SCRIB: variants seen among roughly 807,000 people sequenced by gnomAD.
The protein encoded by SCRIB is protein scribble homolog.
In SCRIB, 72 loss-of-function variants were observed where a neutral mutation model predicts 170.0. The observed-to-expected ratio is 0.42, with a 90% confidence interval of 0.35 to 0.52. The LOEUF (loss-of-function observed/expected upper bound fraction) is 0.52, where lower values mean the gene tolerates loss of function less well. SCRIB is among the 20% of genes least tolerant of loss of function. SCRIB has a pLI of 0.02. For synonymous variants in SCRIB, 1,298 were observed against 1,044.3 expected, an observed-to-expected ratio of 1.24 and a Z score of -4.68; for missense variants, 2,475 against 2,338.5, an observed-to-expected ratio of 1.06 and a Z score of -1.20.
chr8:143,792,642 G>A lies in SCRIB; in HGVS notation c.4178-7C>T, dbSNP rs372182643. On this transcript the variant is annotated splice_region_variant and splice_polypyrimidine_tract_variant and intron_variant, in intron 30 of 36. Coordinates refer to ENST00000356994, the MANE Select transcript of SCRIB (RefSeq NM_182706.5). ...TTCTGCTGTAGTTTTCTGGCTGCCG[G>A]AGGGCAGGGTGGGTCAGGCCAGACC... 1.3e-5 allele frequency: 21 copies of A among 1,593,034 alleles called. No individual in the cohort carries two copies. In the Admixed American group the frequency reaches 1.4e-4, roughly 10 times the overall value.
rs1554636046 is a variant in SCRIB at position 143,804,940 on chromosome 8, G to A, written c.2745C>T (p.Val915=). 5 of 1,559,240 alleles carry A rather than the reference G, an allele frequency of 3.2e-6. No homozygotes were observed. In the Admixed American group the frequency reaches 5.6e-5, roughly 17 times the overall value. Residue 915 remains valine (V), a synonymous_variant, in exon 20 of 37, where the codon GTC becomes GTT. Transcript: ENST00000356994. ...RAGTLQVGDR[V]LSINGVDVTE... is the part of the protein sequence containing the mutation. Reference sequence around the variant, plus strand: ...GGGCCCCATCCCCACTCACAGAGAGGACGCGGTCGCCAACCTGCAGTGTGC... The same window carrying A: ...GGGCCCCATCCCCACTCACAGAGAGAACGCGGTCGCCAACCTGCAGTGTGC...
In SCRIB at chr8:143,791,999, G is replaced by A. The variant is rs782050946; in HGVS notation, c.4649C>T (p.Pro1550Leu). Residue 1550 changes from proline (P) to leucine (L), a missense_variant, in exon 33 of 37, where the codon CCT becomes CTT. Pro to Leu is a moderately conservative substitution (Grantham distance 98, BLOSUM62 -3). Coordinates refer to ENST00000356994, the MANE Select transcript of SCRIB (RefSeq NM_182706.5). ...TGCCCTGACCCACAGACCTTCCACA[G>A]GGGTGGGCGACGGGGTGGGCGCAGG... is the stretch of plus-strand genomic sequence containing the variant. The part of the protein sequence containing the change: ...PSPAPTPSPT[P>L]VEDLGPQTST... The A allele has an allele frequency of 1.3e-6, 2 of 1,524,962 alleles. No homozygotes were observed. The highest frequency in any genetic ancestry group is 2.4e-5 in the East Asian group (1 of 41,436). 94.5% of individuals were successfully genotyped at this position (1,524,962 alleles called of 1,614,324 possible).
chr8:143,794,219 G>C (rs1273297770), intron 27 of SCRIB: 1 of 505,878 alleles, frequency 2.0e-6, no homozygotes, highest in Non-Finnish European at 3.6e-6. Context: ...AGGAGAGATG[G>C]GAGCAGACAG....
intron 24 of SCRIB, among the ~76,000 whole-genome samples, chr8:143,798,504 T>G (rs782602845): frequency 6.6e-6 from 1 of 152,204 alleles, no homozygotes; most frequent in Non-Finnish European, 1.5e-5. Context: ...GAGTCTGTCT[T>G]GCTCAGGCTG....
chr8:143,803,393 G>GC lies in SCRIB; in HGVS notation c.3592dup (p.Ala1198GlyfsTer37). The GC allele has an allele frequency of 6.3e-7, 1 of 1,578,342 alleles. No homozygotes were observed. The highest frequency in any genetic ancestry group is 8.6e-7 in the Non-Finnish European group (1 of 1,165,240). On this transcript the variant is annotated frameshift_variant, in exon 24 of 37. Transcript: ENST00000356994. LOFTEE classifies it high-confidence loss of function. The stretch of plus-strand genomic sequence containing the variant: ...GGCGGGATCGCTAACCTCCAGGGCT[G>GC]CGTCGGTGCTGGCCTCAAAGCCGTC...
In SCRIB at chr8:143,804,941, A is replaced by G; in HGVS notation, c.2744T>C (p.Val915Ala). 1.9e-6 allele frequency: 3 copies of G among 1,560,012 alleles called. No homozygotes were observed. Among genetic ancestry groups the G allele is most frequent in the Non-Finnish European group, 2.6e-6 (3 of 1,159,332 alleles). Residue 915 changes from valine to alanine, a missense_variant, in exon 20 of 37, where the codon GTC becomes GCC. By Grantham distance (64) the Val-to-Ala change is moderately conservative. Around this residue, in one of 3 missense-constraint regions of SCRIB, gnomAD observed 1,966 missense variants for 1,742.9 expected, o/e 1.13. Transcript: ENST00000356994. Reference sequence around the variant, plus strand: ...GGCCCCATCCCCACTCACAGAGAGGACGCGGTCGCCAACCTGCAGTGTGCC... The same window carrying G: ...GGCCCCATCCCCACTCACAGAGAGGGCGCGGTCGCCAACCTGCAGTGTGCC... ...RAGTLQVGDR[V>A]LSINGVDVTE...
At position 143,815,741 on chromosome 8, in the gene SCRIB, G is replaced by C; in HGVS notation, c.-369C>G. The C allele has an allele frequency of 8.1e-6, 8 of 983,140 alleles. No homozygotes were observed. Among genetic ancestry groups the C allele is most frequent in the Non-Finnish European group, 9.6e-6 (8 of 829,224 alleles). 60.9% of individuals were successfully genotyped at this position (983,140 alleles called of 1,614,324 possible). A position where few individuals can be genotyped will look rare whatever the true frequency, so the allele number is the denominator to read the frequency against. ...CGGACTGCCCCGCCGACACCCACCC[G>C]GCCGCCGCGCAGCCCGTCGGGAAGC... is the stretch of plus-strand genomic sequence containing the variant. On this transcript the variant is annotated 5_prime_UTR_variant, in exon 1 of 37. Coordinates refer to ENST00000356994, the MANE Select transcript of SCRIB (RefSeq NM_182706.5).
At chr8:143,811,874 C>T (rs968631092) in intron 9 of SCRIB, among the ~76,000 whole-genome samples, 6 of 152,308 alleles carry the variant, frequency 3.9e-5, no homozygotes, top group African/African-American at 7.2e-5. Context: ...ACCACCGTCC[C>T]GAACCGTGGC....
rs1189004378 is a variant in SCRIB at position 143,793,063 on chromosome 8, C to G, written c.3930G>C (p.Pro1310=). The change falls in exon 29 of 37, where the codon CCG becomes CCC. Residue 1310 remains proline, a synonymous_variant. Transcript: ENST00000356994. ...GCTTCACATTGGCGGGCAGCTCATC[C>G]GGAGAAGGCGGGGAGGGCGGCTGGG... ...SGQQPPSPPS[P]DELPANVKQA... 2 of 1,466,352 alleles carry G rather than the reference C, an allele frequency of 1.4e-6. No homozygotes were observed. Among genetic ancestry groups the G allele is most frequent in the Non-Finnish European group, 1.8e-6 (2 of 1,105,142 alleles). The allele number at this position is 1,466,352 out of a possible 1,614,324, so 90.8% of individuals were successfully genotyped here. A position where few individuals can be genotyped will look rare whatever the true frequency, so the allele number is the denominator to read the frequency against.
At chr8:143,794,966 C>T (rs1814876354) in intron 27 of SCRIB, 72 bp downstream of exon 27, 4 of 1,462,874 alleles carry the variant, frequency 2.7e-6, no homozygotes, top group South Asian at 1.2e-5. Context: ...ATGGCCCTGG[C>T]GTTTGTCCTG....
chr8:143,811,008 G>C lies in SCRIB; in HGVS notation c.1171C>G (p.Gln391Glu). The C allele has an allele frequency of 6.2e-7, 1 of 1,611,550 alleles. No homozygotes were observed. Reference sequence around the variant, plus strand: ...TGGAACCGGAGCATGGGCTGCGCCTGGTTCTCTGCCAGCCACAGGGCCTTG... The same window carrying C: ...TGGAACCGGAGCATGGGCTGCGCCTCGTTCTCTGCCAGCCACAGGGCCTTG... ...NLKALWLAENQAQPMLRFQTE... is the reference protein window; with the variant it reads ...NLKALWLAENEAQPMLRFQTE... The change falls in exon 11 of 37, where the codon CAG becomes GAG. Residue 391 changes from glutamine (Q) to glutamate (E), a missense_variant. Coordinates refer to ENST00000356994, the MANE Select transcript of SCRIB (RefSeq NM_182706.5).
intron 18 of SCRIB, 43 bp from the exon 19 acceptor site, chr8:143,805,478 C>G: frequency 7.0e-6 from 10 of 1,430,900 alleles, no homozygotes; most frequent in African/African-American, 1.5e-5. Flanking sequence ...CCCAGTGCCG[C>G]CACAGACAGC....
chr8:143,792,572 G>C lies in SCRIB; in HGVS notation c.4241C>G (p.Ala1414Gly). The change falls in exon 31 of 37, where the codon GCG (alanine) becomes GGG (glycine). Residue 1414 changes from alanine to glycine, a missense_variant. This residue lies in a region of SCRIB where 1,966 missense variants were observed against 1,742.9 expected (regional missense o/e 1.13). Coordinates refer to ENST00000356994, the MANE Select transcript of SCRIB (RefSeq NM_182706.5). ...CGTCTCCCCGTCCAGGGCGAGCCTC[G>C]CTTCGGCCCCAGCCTCTGCCGCCTC... ...LREAAEAGAE[A>G]RLALDGETLG... The C allele has an allele frequency of 6.3e-7, 1 of 1,577,822 alleles. No homozygotes were observed. Among genetic ancestry groups the C allele is most frequent in the Non-Finnish European group, 8.5e-7 (1 of 1,169,742 alleles).
In SCRIB at chr8:143,815,451, G is replaced by A. The variant is rs1219356844; in HGVS notation, c.-79C>T. 5.2e-6 allele frequency: 6 copies of A among 1,145,358 alleles called. No homozygotes were observed. The South Asian group carries it at 1.7e-4, about 32-fold the overall frequency. The allele number at this position is 1,145,358 out of a possible 1,614,324, so 70.9% of individuals were successfully genotyped here. ...GGGGGGCGGGGCTCAGTCCGCATGGGCGCCGCGCATGGGGAGGGGGCGCAG... is the reference window on the plus strand; with the variant it reads ...GGGGGGCGGGGCTCAGTCCGCATGGACGCCGCGCATGGGGAGGGGGCGCAG... On this transcript the variant is annotated 5_prime_UTR_variant, in exon 1 of 37. Coordinates refer to ENST00000356994, the MANE Select transcript of SCRIB (RefSeq NM_182706.5).
At chr8:143,794,089 C>T in intron 27 of SCRIB, 127 bp from the exon 28 acceptor site, 1 of 815,950 alleles carries the variant, frequency 1.2e-6, no homozygotes, top group Non-Finnish European at 2.0e-6. Flanking sequence ...CTGACTATAG[C>T]CCAGGGGATG....
In SCRIB at chr8:143,792,212, G is replaced by A. The variant is rs376037864; in HGVS notation, c.4514+8C>T. ...AGGGCGGGGTGGCGACCCCACACAGGGGCTCACCTGGCTGCCCTCCACAGC... is the reference window on the plus strand; with the variant it reads ...AGGGCGGGGTGGCGACCCCACACAGAGGCTCACCTGGCTGCCCTCCACAGC... On this transcript the variant is annotated splice_region_variant and intron_variant, in intron 32 of 36. Coordinates refer to ENST00000356994, the MANE Select transcript of SCRIB (RefSeq NM_182706.5). The A allele has an allele frequency of 7.2e-5, 112 of 1,557,534 alleles. No homozygotes were observed. In the African/African-American group the frequency reaches 1.3e-3, roughly 19 times the overall value.
In SCRIB at chr8:143,791,396, G is replaced by A. The variant is rs1242329391; in HGVS notation, c.4815C>T (p.Pro1605=). Residue 1605 remains proline, a synonymous_variant, in exon 36 of 37, where the codon CCC becomes CCT. Transcript: ENST00000356994. ...AEELRSLEPS[P]SPGPQEEDGE... ...AGCCCGGCCCCAACTCACCAGGGCT[G>A]GGAGATGGTTCCAGGGACCTCAACT... 2 of 1,610,112 alleles carry A rather than the reference G, an allele frequency of 1.2e-6. No homozygotes were observed. The highest frequency in any genetic ancestry group is 1.3e-5 in the African/African-American group (1 of 74,844).
chr8:143,808,989 C>T lies in SCRIB; in HGVS notation c.1735G>A (p.Gly579Arg), dbSNP rs370311838. The T allele has an allele frequency of 4.7e-5, 76 of 1,613,158 alleles. 1 individual carries two copies. Among genetic ancestry groups the T allele is most frequent in the Middle Eastern group, 3.3e-4 (2 of 5,976 alleles). The change falls in exon 15 of 37, where the codon GGG becomes AGG. Residue 579 changes from glycine (G) to arginine (R), a missense_variant. Gly to Arg is a moderately radical substitution (Grantham distance 125). Around this residue, in one of 3 missense-constraint regions of SCRIB, gnomAD observed 1,966 missense variants for 1,742.9 expected, o/e 1.13. Transcript: ENST00000356994. ...CCCTCCTCGATCTCCCTGTCATCCC[C>T]GGGCAGCAGTGCGTCCTCTGCGAAA... ...VHFAEDALLP[G>R]DDREIEEGQP...
At position 143,795,455 on chromosome 8, in the gene SCRIB, T is replaced by C. The variant is rs1814902796; in HGVS notation, c.3679A>G (p.Ile1227Val). The change falls in exon 25 of 37, where the codon ATC becomes GTC. Residue 1227 changes from isoleucine to valine, a missense_variant. Around this residue, in one of 3 missense-constraint regions of SCRIB, gnomAD observed 1,966 missense variants for 1,742.9 expected, o/e 1.13. Coordinates refer to ENST00000356994, the MANE Select transcript of SCRIB (RefSeq NM_182706.5). The part of the protein sequence containing the change: ...HRNSLESISS[I>V]DRELSPEGPG... Reference sequence around the variant, plus strand: ...CCCTCAGGGCTCAGCTCCCGGTCGATGGAAGAGATGCTCTCCAGGCTGTTC... The same window carrying C: ...CCCTCAGGGCTCAGCTCCCGGTCGACGGAAGAGATGCTCTCCAGGCTGTTC... 2.5e-6 allele frequency: 4 copies of C among 1,613,128 alleles called. No homozygotes were observed. The highest frequency in any genetic ancestry group is 3.4e-6 in the Non-Finnish European group (4 of 1,179,790).
Sources: gnomAD v4.1 joint callset for allele counts (sites outside exome capture counted in the v4.1 genomes callset) on GRCh38, gnomAD v4.1.1 for gene constraint, gnomAD v4.1.1 regional missense constraint, MANE v1.5 for transcripts, NCBI Gene and HGNC (gene_info 2026-07-23, HGNC 2026-07-21) for gene names.